The following RTF1 variants were observed in gnomAD, a reference collection of about 807,000 sequenced individuals.
RTF1 encodes RTF1 homolog, Paf1/RNA polymerase II complex component, also known as RNA polymerase-associated protein RTF1 homolog.
A neutral mutation model predicts 95.7 loss-of-function variants in RTF1; 10 were observed. The ratio of observed to expected loss-of-function variants is 0.10; its 90% CI spans 0.06 to 0.18. The LOEUF is 0.18. Among genes scored for constraint, RTF1 ranks in the 10% least tolerant of loss-of-function variants. RTF1 has a pLI of 1.00. For synonymous variants in RTF1, 305 were observed against 311.8 expected (o/e 0.98, Z 0.23); for missense variants, 458 against 875.6 (o/e 0.52, Z 6.02).
In RTF1 at chr15:41,481,528, C is replaced by G. The variant is rs1337293331; in HGVS notation, c.*841C>G. ...CTTTCCCAACTTTGGAGAAAACTCC[C>G]CAGTTTAGCCCCCTGACCTGCAGGC... On this transcript the variant is annotated 3_prime_UTR_variant, in exon 18 of 18. Transcript: ENST00000389629. 6.6e-6 allele frequency: 1 copy of G among 152,610 alleles called. No individual in the cohort carries two copies. The highest frequency in any genetic ancestry group is 2.4e-5 in the African/African-American group (1 of 41,448). 9.5% of individuals were successfully genotyped at this position (152,610 alleles called of 1,614,324 possible). A position where few individuals can be genotyped will look rare whatever the true frequency, so the allele number is the denominator to read the frequency against.
chr15:41,470,515 C>G, intron 7 of RTF1, 123 bp downstream of exon 7: 1 of 1,006,552 alleles, frequency 9.9e-7, no homozygotes, highest in Non-Finnish European at 1.5e-6. Context: ...CTTTGGTTTG[C>G]TGAACTGAGT....
At chr15:41,455,274 A>C (rs1161560340) in intron 3 of RTF1, among the ~76,000 whole-genome samples, 1 of 150,446 alleles carries the variant, frequency 6.6e-6, no homozygotes, top group Non-Finnish European at 1.5e-5. Flanking sequence ...AGATCACCCC[A>C]CTGTACTCCA....
intron 2 of RTF1, among the ~76,000 whole-genome samples, chr15:41,450,919 C>G (rs1187328980): frequency 6.6e-6 from 1 of 152,106 alleles, no homozygotes; most frequent in Admixed American, 6.6e-5. Context: ...CTGCCCTGCA[C>G]TCCAGCCTGG....
At chr15:41,419,551 T>C (rs953973495) in intron 1 of RTF1, among the ~76,000 whole-genome samples, 1 of 152,190 alleles carries the variant, frequency 6.6e-6, no homozygotes, top group Non-Finnish European at 1.5e-5. Context: ...TTCATGGTGC[T>C]AGAGTTCGTG....
intron 6 of RTF1, among the ~76,000 whole-genome samples, chr15:41,468,672 G>A (rs1273894802): frequency 1.3e-5 from 2 of 152,092 alleles, no homozygotes; most frequent in Admixed American, 6.5e-5. Context: ...TTTTGAACAG[G>A]AAAGGCAAGA....
In RTF1 at chr15:41,427,049, C is replaced by T. The variant is rs546880254; in HGVS notation, c.198+9736C>T. On this transcript the variant is annotated intron_variant, in intron 1 of 17. Transcript: ENST00000389629. Reference sequence around the variant, plus strand: ...TAGAGATAGGGTTTCACCATGTTGGCCAGGCTGGTCTTGAACTCCTGACCT... The same window carrying T: ...TAGAGATAGGGTTTCACCATGTTGGTCAGGCTGGTCTTGAACTCCTGACCT... Among the ~76,000 whole-genome samples, 4 of 150,680 alleles carry T rather than the reference C, an allele frequency of 2.7e-5. No individual in the cohort carries two copies. In the East Asian group the frequency reaches 5.9e-4, roughly 22 times the overall value.
rs1391130726 is a variant in RTF1, at chr15:41,457,325, GGAGTTC to G, written c.458-343_458-338del. ...GAGGTGGGCAGATCACCTGAGGTCA[GGAGTTC>G]GAGACCAGCCTGAACAATATGGTGA... On this transcript the variant is annotated intron_variant, in intron 3 of 17. Transcript: ENST00000389629. 2.0e-5 allele frequency among the ~76,000 whole-genome samples: 3 copies of G among 152,168 alleles called. No homozygotes were observed. The East Asian group carries it at 5.8e-4, about 29-fold the overall frequency.
At chr15:41,465,404 G>T (rs2050875826) in intron 5 of RTF1, among the ~76,000 whole-genome samples, 1 of 152,178 alleles carries the variant, frequency 6.6e-6, no homozygotes, top group African/African-American at 2.4e-5. Context: ...ACTTTGAGAG[G>T]CCGAGGCAGA....
At chr15:41,471,515 TGA>T (rs1343521844) in intron 8 of RTF1, among the ~76,000 whole-genome samples, 166 bp downstream of exon 8, 1 of 152,204 alleles carries the variant, frequency 6.6e-6, no homozygotes, top group Non-Finnish European at 1.5e-5. Flanking sequence ...GAATCCTTCA[TGA>T]CTTGTTGCCA....
At chr15:41,448,768 G>A (rs1326266845) in intron 2 of RTF1, 1 of 152,000 alleles carries the variant, frequency 6.6e-6, no homozygotes, top group Non-Finnish European at 1.5e-5. Context: ...TCACGAATTT[G>A]CATGTCATCT....
At chr15:41,473,044 C>G (rs1226344424) in intron 8 of RTF1, among the ~76,000 whole-genome samples, 1 of 152,088 alleles carries the variant, frequency 6.6e-6, no homozygotes, top group Non-Finnish European at 1.5e-5. Flanking sequence ...AACAGCCTCT[C>G]TCTGTTTCTT....
intron 2 of RTF1, among the ~76,000 whole-genome samples, chr15:41,443,321 A>G (rs2050744999): frequency 6.6e-6 from 1 of 152,220 alleles, no homozygotes; most frequent in Non-Finnish European, 1.5e-5. Flanking sequence ...ACCAACATTT[A>G]ATGACAGAGT....
intron 3 of RTF1, among the ~76,000 whole-genome samples, chr15:41,453,713 C>G (rs2140958719): frequency 6.6e-6 from 1 of 151,180 alleles, no homozygotes; most frequent in South Asian, 2.1e-4. Flanking sequence ...AGAGCAAGAC[C>G]CTTTCTCAAC....
intron 1 of RTF1, among the ~76,000 whole-genome samples, chr15:41,426,538 G>C (rs559434214): frequency 6.6e-6 from 1 of 151,502 alleles, no homozygotes; most frequent in Non-Finnish European, 1.5e-5. Flanking sequence ...AACTCCAGAC[G>C]TCATGATCTG....
At position 41,430,143 on chromosome 15, in the gene RTF1, G is replaced by A. The variant is rs935463108; in HGVS notation, c.199-8178G>A. On this transcript the variant is annotated intron_variant, in intron 1 of 17. Transcript: ENST00000389629. Reference sequence around the variant, plus strand: ...CTGCCTCAGCTTCGTGAGTAGCTGGGATTACAGGTGCATGCCACCATGTCT... The same window carrying A: ...CTGCCTCAGCTTCGTGAGTAGCTGGAATTACAGGTGCATGCCACCATGTCT... Among the ~76,000 whole-genome samples, 41 of 148,624 alleles carry A rather than the reference G, an allele frequency of 2.8e-4. 1 individual carries two copies. The highest frequency in any genetic ancestry group is 4.5e-5 in the Non-Finnish European group (3 of 67,302).
At chr15:41,467,578 G>C (rs534937640) in intron 6 of RTF1, among the ~76,000 whole-genome samples, 1 of 152,106 alleles carries the variant, frequency 6.6e-6, no homozygotes, top group Non-Finnish European at 1.5e-5. Context: ...AGCTGGCCAT[G>C]GTTGTGCATG....
chr15:41,453,184 T>A, intron 3 of RTF1, 136 bp downstream of exon 3: 1 of 636,512 alleles, frequency 1.6e-6, no homozygotes, highest in Non-Finnish European at 2.5e-6. Flanking sequence ...TCTTAACTTT[T>A]TCCATGGTCA....
rs368912603 is a variant in RTF1, at chr15:41,421,028, G to A, written c.198+3715G>A. ...CTGCCATAGTACTTCCAAATTAAGC[G>A]TACATGTATAGGCTGGGCATGGTGG... On this transcript the variant is annotated intron_variant, in intron 1 of 17. Coordinates refer to ENST00000389629, the MANE Select transcript of RTF1 (RefSeq NM_015138.5). Among the ~76,000 whole-genome samples the A allele has an allele frequency of 1.8e-4, 27 of 152,292 alleles. No individual in the cohort carries two copies. The South Asian group carries it at 3.5e-3, about 20-fold the overall frequency.
At chr15:41,426,564 C>G (rs749847492) in intron 1 of RTF1, among the ~76,000 whole-genome samples, 1 of 151,626 alleles carries the variant, frequency 6.6e-6, no homozygotes, top group Non-Finnish European at 1.5e-5. Flanking sequence ...CTCGGCTTCC[C>G]GAACTGCTAG....
Sources: allele counts gnomAD v4.1 joint callset (sites outside exome capture counted in the v4.1 genomes callset), GRCh38; gene constraint gnomAD v4.1.1; transcripts MANE v1.5; gene names NCBI Gene and HGNC (gene_info 2026-07-23, HGNC 2026-07-21).